PLCE1: variants seen among roughly 807,000 people sequenced by gnomAD.
PLCE1 encodes the protein 1-phosphatidylinositol 4,5-bisphosphate phosphodiesterase epsilon-1.
A neutral mutation model predicts 242.8 loss-of-function variants in PLCE1; 119 were observed. That is an observed-to-expected ratio of 0.49 (90% CI 0.42 to 0.57). The LOEUF (loss-of-function observed/expected upper bound fraction) is 0.57, where lower values mean the gene tolerates loss of function less well. Ranked by LOEUF, PLCE1 falls within the 20% of genes least tolerant of loss-of-function variation. The probability of loss-of-function intolerance (pLI) is 0.00; values close to 1 mark genes in which losing one functional copy is unlikely to be tolerated. For synonymous variants in PLCE1, 945 were observed against 1,017.4 expected (o/e 0.93, Z 1.35); for missense variants, 2,441 against 2,788.8 (o/e 0.88, Z 2.81).
At chr10:94,022,575 G>A (rs1239190667) in intron 1 of PLCE1, among the ~76,000 whole-genome samples, 3 of 152,040 alleles carry the variant, frequency 2.0e-5, no homozygotes, top group Non-Finnish European at 4.4e-5. Context: ...TAGTTAAGAT[G>A]TTATTTTTCC....
At chr10:94,213,393 A>G (rs1228919656) in intron 4 of PLCE1, among the ~76,000 whole-genome samples, 1 of 152,104 alleles carries the variant, frequency 6.6e-6, no homozygotes, top group Non-Finnish European at 1.5e-5. Context: ...AGTGTACCTG[A>G]TGTTTCCTGG....
At chr10:94,070,676 C>T (rs569265106) in intron 2 of PLCE1, among the ~76,000 whole-genome samples, 95 of 152,292 alleles carry the variant, frequency 6.2e-4, no homozygotes, top group Non-Finnish European at 1.2e-3. Flanking sequence ...AATTTGATGC[C>T]TCTATACATT....
At chr10:94,239,899 G>T (rs1269598741) in intron 7 of PLCE1, among the ~76,000 whole-genome samples, 1 of 152,120 alleles carries the variant, frequency 6.6e-6, no homozygotes. Flanking sequence ...ATGCAGACAG[G>T]CCTCAACCTT....
chr10:94,114,155 G>A (rs368965800), intron 2 of PLCE1, among the ~76,000 whole-genome samples: 11 of 152,274 alleles, frequency 7.2e-5, no homozygotes, highest in African/African-American at 1.4e-4. Context: ...AGTCGCAGCC[G>A]AAGGTGACTA....
intron 2 of PLCE1, chr10:94,108,545 T>C (rs554390688): frequency 1.8e-4 from 27 of 152,378 alleles, no homozygotes; most frequent in African/African-American, 6.0e-4. Flanking sequence ...ACTAAGATAA[T>C]GCAAACAAAA....
intron 4 of PLCE1, among the ~76,000 whole-genome samples, chr10:94,174,898 A>C (rs1399173675): frequency 6.6e-6 from 1 of 152,216 alleles, no homozygotes. Flanking sequence ...CTCATAGTTT[A>C]GTTAGTATGA....
chr10:94,106,592 T>C (rs1472821855), intron 2 of PLCE1, among the ~76,000 whole-genome samples: 1 of 152,180 alleles, frequency 6.6e-6, no homozygotes, highest in African/African-American at 2.4e-5. Context: ...GTATACACAC[T>C]TAAAACTGTG....
At chr10:94,093,638 T>G (rs1308815645) in intron 2 of PLCE1, among the ~76,000 whole-genome samples, 1 of 152,214 alleles carries the variant, frequency 6.6e-6, no homozygotes, top group Non-Finnish European at 1.5e-5. Flanking sequence ...TGCCTGGTGG[T>G]CTGGCCCTGC....
chr10:94,202,318 A>T (rs1196706316), intron 4 of PLCE1, among the ~76,000 whole-genome samples: 1 of 146,526 alleles, frequency 6.8e-6, no homozygotes, highest in Non-Finnish European at 1.5e-5. Context: ...CACCCCCACC[A>T]AGATAATAGT....
At chr10:94,088,484 G>C (rs951468934) in intron 2 of PLCE1, among the ~76,000 whole-genome samples, 20 of 152,172 alleles carry the variant, frequency 1.3e-4, no homozygotes, top group Admixed American at 2.6e-4. Flanking sequence ...TGGACCACAA[G>C]ATCCTAAAGT....
At chr10:94,201,669 C>T (rs1487990369) in intron 4 of PLCE1, among the ~76,000 whole-genome samples, 1 of 151,992 alleles carries the variant, frequency 6.6e-6, no homozygotes, top group Non-Finnish European at 1.5e-5. Context: ...TTAGTAGAGA[C>T]GGGGTTTCAC....
chr10:94,252,192 A>C lies in PLCE1; in HGVS notation c.3097-124A>C. 5 of 813,716 alleles carry C rather than the reference A, an allele frequency of 6.1e-6. No individual in the cohort carries two copies. In the South Asian group the frequency reaches 7.4e-5, roughly 12 times the overall value. The allele number at this position is 813,716 out of a possible 1,614,324, so 50.4% of individuals were successfully genotyped here. ...AGAAAACAGTCACTTGGGTGGCCAGATCATTATTCTTCTGTGGCCGTCTGT... is the reference window on the plus strand; with the variant it reads ...AGAAAACAGTCACTTGGGTGGCCAGCTCATTATTCTTCTGTGGCCGTCTGT... On this transcript the variant is annotated intron_variant, in intron 8 of 32. Transcript: ENST00000371380.
intron 2 of PLCE1, among the ~76,000 whole-genome samples, chr10:94,045,573 A>ACT (rs143384588): frequency 0.011 from 1,685 of 151,950 alleles, 33 homozygotes; most frequent in African/African-American, 0.037. Flanking sequence ...GTCTCTATAG[A>ACT]CTCTCTCTCC....
chr10:94,252,328 T>C lies in PLCE1; in HGVS notation c.3109T>C (p.Tyr1037His), dbSNP rs1245539376. 6.2e-7 allele frequency: 1 copy of C among 1,613,976 alleles called. No homozygotes were observed. ...GGCTCTTTCACAGGAGGATGGACGG[T>C]ATGAAGGCCCAACTTTGGCTCACGC... Reference protein sequence around the residue: ...YVSLYQEDGRYEGPTLAHAVE... With the variant: ...YVSLYQEDGRHEGPTLAHAVE... Residue 1037 changes from tyrosine (Y) to histidine (H), a missense_variant, in exon 9 of 33, where the codon TAT (tyrosine) becomes CAT (histidine). By Grantham distance (83) the Tyr-to-His change is moderately conservative (BLOSUM62 2). Transcript: ENST00000371380.
chr10:94,025,308 A>G (rs1220578377), intron 1 of PLCE1, among the ~76,000 whole-genome samples: 3 of 152,274 alleles, frequency 2.0e-5, no homozygotes, highest in South Asian at 4.1e-4. Context: ...AGGAATATCC[A>G]TATGCTTAGG....
Position 94,031,371 on chromosome 10 carries a change from A to C in PLCE1, c.325A>C (p.Ile109Leu). 1.2e-6 allele frequency: 2 copies of C among 1,613,888 alleles called. No homozygotes were observed. Among genetic ancestry groups the C allele is most frequent in the South Asian group, 2.2e-5 (2 of 91,078 alleles). ...AKNLNINCNN[I>L]LRNHQHGLPQ... ...AAACCTTAACATTAACTGCAACAAC[A>C]TATTGAGAAACCATCAGCATGGCCT... Residue 109 changes from isoleucine (I) to leucine (L), a missense_variant, in exon 2 of 33, where the codon ATA (isoleucine) becomes CTA (leucine). By Grantham distance (5) the Ile-to-Leu change is conservative (BLOSUM62 2). Transcript: ENST00000371380.
intron 4 of PLCE1, among the ~76,000 whole-genome samples, chr10:94,182,094 GTT>G (rs550150974): frequency 3.0e-5 from 4 of 131,354 alleles, no homozygotes; most frequent in Non-Finnish European, 1.6e-5. Flanking sequence ...TTTTCTTTCT[GTT>G]TTTTTTTTTT....
Position 94,298,454 on chromosome 10 carries a change from T to G in PLCE1, c.5243T>G (p.Ile1748Ser), listed in dbSNP as rs1297178595. The G allele has an allele frequency of 6.2e-7, 1 of 1,613,996 alleles. No individual in the cohort carries two copies. Among genetic ancestry groups the G allele is most frequent in the Non-Finnish European group, 8.5e-7 (1 of 1,179,862 alleles). ...AACCCAACCACGTCCCTCAGTGCTATCATTAGAACTCCCAAATGTTATCAT... is the reference window on the plus strand; with the variant it reads ...AACCCAACCACGTCCCTCAGTGCTAGCATTAGAACTCCCAAATGTTATCAT... ...PLNPTTSLSA[I>S]IRTPKCYHIS... The change falls in exon 24 of 33, where the codon ATC becomes AGC. Residue 1748 changes from isoleucine to serine, a missense_variant. Around this residue, in one of 5 missense-constraint regions of PLCE1, gnomAD observed 1,004 missense variants for 1,322.7 expected, o/e 0.76. Coordinates refer to ENST00000371380, the MANE Select transcript of PLCE1 (RefSeq NM_016341.4). This position sits in a 1 kb window ranked among gnomAD's most constrained non-coding sequence, Gnocchi z 5.2.
chr10:94,107,665 G>A lies in PLCE1; in HGVS notation c.1207-24509G>A, dbSNP rs1313978947. On this transcript the variant is annotated intron_variant, in intron 2 of 32. Coordinates refer to ENST00000371380, the MANE Select transcript of PLCE1 (RefSeq NM_016341.4). ...AACTGCATGGTAATACATTGCTGCT[G>A]GATTTCTAATTGGAGTTAGGATGCT... 3.3e-5 allele frequency: 5 copies of A among 152,096 alleles called. No homozygotes were observed. The East Asian group carries it at 5.8e-4, about 18-fold the overall frequency. 9.4% of individuals were successfully genotyped at this position (152,096 alleles called of 1,614,324 possible). A position where few individuals can be genotyped will look rare whatever the true frequency, so the allele number is the denominator to read the frequency against.
Sources: allele counts gnomAD v4.1 joint callset (sites outside exome capture counted in the v4.1 genomes callset), GRCh38; gene constraint gnomAD v4.1.1; regional missense constraint gnomAD v4.1.1; non-coding constraint Gnocchi (gnomAD v3.1); transcripts MANE v1.5; gene names NCBI Gene and HGNC (gene_info 2026-07-23, HGNC 2026-07-21).